Variants in MAN1A2 observed in about 807,000 individuals in gnomAD.
The protein encoded by MAN1A2 is mannosyl-oligosaccharide 1,2-alpha-mannosidase IB.
In MAN1A2, 26 loss-of-function variants were observed where a neutral mutation model predicts 75.7. That is an observed-to-expected ratio of 0.34 (90% CI 0.25 to 0.48). The LOEUF (loss-of-function observed/expected upper bound fraction) is 0.48, where lower values mean the gene tolerates loss of function less well. Ranked by LOEUF, MAN1A2 falls within the 20% of genes least tolerant of loss-of-function variation. MAN1A2 has a pLI of 0.99. For missense variants in MAN1A2, 562 were observed against 775.5 expected (o/e 0.72, Z 3.27); for synonymous variants, 247 against 264.6 (o/e 0.93, Z 0.65).
intron 8 of MAN1A2, among the ~76,000 whole-genome samples, chr1:117,481,297 T>C (rs1403064844): frequency 6.6e-6 from 1 of 151,828 alleles, no homozygotes; most frequent in Non-Finnish European, 1.5e-5. Flanking sequence ...GTACCTCTTC[T>C]TCATGTCTTG....
intron 5 of MAN1A2, among the ~76,000 whole-genome samples, chr1:117,431,216 AGGGGGAGGGGGAG>A (rs1557947873): frequency 3.6e-3 from 7 of 1,960 alleles, no homozygotes; most frequent in Admixed American, 6.0e-3. Context: ...GGGGAGGGGG[AGGGGGAGGGGGAG>A]GGGGGAGGCC....
At chr1:117,514,737 A>G (rs764417408) in intron 12 of MAN1A2, 2 of 487,752 alleles carry the variant, frequency 4.1e-6, no homozygotes, top group Non-Finnish European at 8.4e-6. Context: ...CAGTGGGATC[A>G]TTGTGGGTGA....
At position 117,493,126 on chromosome 1, in the gene MAN1A2, C is replaced by G. The variant is rs750506121; in HGVS notation, c.1169-21C>G. 4 of 1,348,896 alleles carry G rather than the reference C, an allele frequency of 3.0e-6. No individual in the cohort carries two copies. In the South Asian group the frequency reaches 4.7e-5, roughly 16 times the overall value. 83.6% of individuals were successfully genotyped at this position (1,348,896 alleles called of 1,614,324 possible). A position where few individuals can be genotyped will look rare whatever the true frequency, so the allele number is the denominator to read the frequency against. On this transcript the variant is annotated intron_variant, in intron 8 of 12. Transcript: ENST00000356554. ...TTCCCTTGCCTTTACCTCTATCCTT[C>G]TGTTTTCTCCTTTGTTACAGATCAT... is the stretch of plus-strand genomic sequence containing the variant.
At chr1:117,396,856 G>A (rs61808999) in intron 1 of MAN1A2, among the ~76,000 whole-genome samples, 2 of 151,734 alleles carry the variant, frequency 1.3e-5, no homozygotes, top group African/African-American at 2.4e-5. Flanking sequence ...GCAAAAAAGG[G>A]TTATAGTGCT....
At chr1:117,473,652 C>A (rs1211261737) in intron 8 of MAN1A2, among the ~76,000 whole-genome samples, 3 of 152,022 alleles carry the variant, frequency 2.0e-5, no homozygotes, top group Non-Finnish European at 4.4e-5. Context: ...GCTATTGCAG[C>A]CACTACTCCC....
chr1:117,398,467 A>T (rs756149729), intron 1 of MAN1A2, among the ~76,000 whole-genome samples: 2 of 152,100 alleles, frequency 1.3e-5, no homozygotes, highest in Non-Finnish European at 2.9e-5. Context: ...TGAGCTCAGG[A>T]GTTCATGACC....
chr1:117,489,884 T>A, intron 8 of MAN1A2, among the ~76,000 whole-genome samples: 1 of 151,988 alleles, frequency 6.6e-6, no homozygotes, highest in East Asian at 1.9e-4. Context: ...TCCTCACCAA[T>A]TTAAAAACCA....
intron 8 of MAN1A2, among the ~76,000 whole-genome samples, chr1:117,469,065 G>T (rs1650061123): frequency 6.6e-6 from 1 of 152,024 alleles, no homozygotes; most frequent in African/African-American, 2.4e-5. Context: ...GTACAACATT[G>T]ATGACATGGA....
chr1:117,497,722 G>A (rs1034370489), intron 10 of MAN1A2, among the ~76,000 whole-genome samples: 3 of 151,710 alleles, frequency 2.0e-5, no homozygotes, highest in Non-Finnish European at 2.9e-5. Context: ...AAGACAAAAG[G>A]TTTCTTAGGG....
At chr1:117,434,747 CTG>C (rs61681259) in intron 5 of MAN1A2, among the ~76,000 whole-genome samples, 36,837 of 134,770 alleles carry the variant, frequency 0.27, 5,202 homozygotes, top group Non-Finnish European at 0.34. Context: ...TTGGTTACAG[CTG>C]TGTGTGTGTG....
intron 8 of MAN1A2, among the ~76,000 whole-genome samples, chr1:117,466,630 G>T (rs1190985490): frequency 6.6e-6 from 1 of 152,108 alleles, no homozygotes; most frequent in Non-Finnish European, 1.5e-5. Context: ...TTAATAACAT[G>T]TCTCCTAAGA....
At chr1:117,402,095 G>A in intron 1 of MAN1A2, 91 bp from the exon 2 acceptor site, 1 of 1,304,186 alleles carries the variant, frequency 7.7e-7, no homozygotes, top group Non-Finnish European at 1.1e-6. Context: ...AAGTTCCTGG[G>A]TTTAATGGAG....
chr1:117,411,170 G>A (rs548067324), intron 3 of MAN1A2, among the ~76,000 whole-genome samples: 2 of 151,646 alleles, frequency 1.3e-5, no homozygotes, highest in African/African-American at 4.8e-5. Flanking sequence ...CAAGTTGAAG[G>A]ATTTGCACTA....
At chr1:117,372,323 A>G (rs1652988603) in intron 1 of MAN1A2, among the ~76,000 whole-genome samples, 1 of 152,140 alleles carries the variant, frequency 6.6e-6, no homozygotes, top group Admixed American at 6.5e-5. Flanking sequence ...TTTCACAGAA[A>G]ATGGTGGTTG....
chr1:117,412,773 A>T (rs1364776805), intron 3 of MAN1A2, among the ~76,000 whole-genome samples: 14 of 151,824 alleles, frequency 9.2e-5, no homozygotes, highest in Admixed American at 9.2e-4. Flanking sequence ...AATCATGATG[A>T]TAGCCAGTAA....
In MAN1A2 at chr1:117,368,269, C is replaced by G. The variant is rs775079656; in HGVS notation, c.86C>G (p.Ala29Gly). ...CCGCCTTCCTTCCCACATCACAGGG[C>G]TACCTTGAGACTTTCTGAGAAGTTT... ...LGPPSFPHHR[A>G]TLRLSEKFIL... Residue 29 changes from alanine (A) to glycine (G), a missense_variant, in exon 1 of 13, where the codon GCT becomes GGT. Physicochemically the swap from Ala to Gly is moderately conservative, Grantham distance 60 (BLOSUM62 0). Around this residue, in one of 2 missense-constraint regions of MAN1A2, gnomAD observed 128 missense variants for 129.8 expected, o/e 0.99. Transcript: ENST00000356554. 6.2e-7 allele frequency: 1 copy of G among 1,614,170 alleles called. No homozygotes were observed. The highest frequency in any genetic ancestry group is 1.1e-5 in the South Asian group (1 of 91,084).
chr1:117,375,912 T>A (rs1227863301), intron 1 of MAN1A2, among the ~76,000 whole-genome samples: 3 of 100,774 alleles, frequency 3.0e-5, no homozygotes, highest in African/African-American at 1.2e-4. Flanking sequence ...ATAATTAATT[T>A]ATGTTTTTTT....
At chr1:117,497,707 T>A (rs1215521891) in intron 10 of MAN1A2, among the ~76,000 whole-genome samples, 1 of 151,758 alleles carries the variant, frequency 6.6e-6, no homozygotes, top group Non-Finnish European at 1.5e-5. Flanking sequence ...TAGGCTTTTT[T>A]AAAAAAGACA....
chr1:117,437,431 A>G (rs1282678955), intron 5 of MAN1A2, among the ~76,000 whole-genome samples: 1 of 152,194 alleles, frequency 6.6e-6, no homozygotes, highest in Non-Finnish European at 1.5e-5. Flanking sequence ...TCTGTCATTC[A>G]AGAGGGAAGG....
Sources: allele counts gnomAD v4.1 joint callset (sites outside exome capture counted in the v4.1 genomes callset), GRCh38; gene constraint gnomAD v4.1.1; regional missense constraint gnomAD v4.1.1; transcripts MANE v1.5; gene names NCBI Gene and HGNC (gene_info 2026-07-23, HGNC 2026-07-21).